PCDHGB2: variants seen among roughly 807,000 people sequenced by gnomAD.
PCDHGB2 encodes protocadherin gamma subfamily B, 2.
PCDHGB2 carries 55 observed loss-of-function variants against 59.3 expected under a neutral mutation model. The ratio of observed to expected loss-of-function variants is 0.93; its 90% CI spans 0.75 to 1.16. PCDHGB2 has a LOEUF of 1.16. Ranked by LOEUF, PCDHGB2 falls within the 50% of genes most tolerant of loss-of-function variation. The pLI, the probability that PCDHGB2 is intolerant of heterozygous loss-of-function variation, is 0.00. For synonymous variants in PCDHGB2, 516 were observed against 512.0 expected (o/e 1.01, Z -0.11); for missense variants, 1,228 against 1,198.5 (o/e 1.02, Z -0.36).
chr5:141,385,411 G>A, intron 1 of PCDHGB2: 1 of 1,474,668 alleles, frequency 6.8e-7, no homozygotes, highest in East Asian at 2.4e-5. Context: ...TTTGAAAATA[G>A]GGATTTAAAA....
At chr5:141,371,658 A>T (rs764550191) in intron 1 of PCDHGB2, 4 of 1,613,920 alleles carry the variant, frequency 2.5e-6, no homozygotes. Context: ...CAATGTGACG[A>T]TCACAGCTAC....
intron 1 of PCDHGB2, chr5:141,384,703 G>A (rs776947081): frequency 6.2e-7 from 1 of 1,614,100 alleles, no homozygotes; most frequent in South Asian, 1.1e-5. Flanking sequence ...AGGCCAGAAC[G>A]CCTGGCTGTC....
chr5:141,398,356 G>C (rs1242233046), intron 1 of PCDHGB2: 7 of 1,409,380 alleles, frequency 5.0e-6, no homozygotes, highest in East Asian at 2.4e-5. Context: ...TTACTTCACC[G>C]TGAGCGCAGA....
In PCDHGB2 at chr5:141,404,317, C is replaced by T. The variant is rs375857083; in HGVS notation, c.2421+41761C>T. On this transcript the variant is annotated intron_variant, in intron 1 of 3. Transcript: ENST00000522605. ...ATAATCCACCTGCTTTCTCTCAAGC[C>T]TCCTACTCAGTCTACCTCCCGGAAA... 6.2e-6 allele frequency: 10 copies of T among 1,613,780 alleles called. No homozygotes were observed. In the African/African-American group the frequency reaches 1.2e-4, roughly 19 times the overall value.
chr5:141,362,004 G>A lies in PCDHGB2; in HGVS notation c.1869G>A (p.Thr623=), dbSNP rs779926353. Reference sequence around the variant, plus strand: ...GGCTCTTCAGCCTGGGGTTGCGCACGGGTGAGGTGCGCACAGCGCGTGCCT... The same window carrying A: ...GGCTCTTCAGCCTGGGGTTGCGCACAGGTGAGGTGCGCACAGCGCGTGCCT... ...EPGLFSLGLR[T]GEVRTARALG... Residue 623 remains threonine (T), a synonymous_variant, in exon 1 of 4, where the codon ACG becomes ACA. Coordinates refer to ENST00000522605, the MANE Select transcript of PCDHGB2 (RefSeq NM_018923.3). 1.7e-5 allele frequency: 27 copies of A among 1,604,352 alleles called. No individual in the cohort carries two copies. Among genetic ancestry groups the A allele is most frequent in the African/African-American group, 1.6e-4 (12 of 74,678 alleles).
chr5:141,427,654 T>C (rs2097054872), intron 1 of PCDHGB2: 3 of 727,622 alleles, frequency 4.1e-6, no homozygotes, highest in Non-Finnish European at 7.4e-6. Context: ...TCCTACGTGG[T>C]CCACGTGGCC....
At chr5:141,440,983 G>A (rs2154559140) in intron 1 of PCDHGB2, 1 of 152,314 alleles carries the variant, frequency 6.6e-6, no homozygotes, top group South Asian at 2.1e-4. Flanking sequence ...TCACAACCCA[G>A]AGTACCCATA....
intron 1 of PCDHGB2, chr5:141,399,213 T>G (rs2093770836): frequency 6.2e-7 from 1 of 1,613,970 alleles, no homozygotes; most frequent in East Asian, 2.2e-5. Context: ...GAACACTAAT[T>G]GCTTTGATCA....
intron 1 of PCDHGB2, among the ~76,000 whole-genome samples, chr5:141,439,243 T>C (rs2098101178): frequency 6.6e-6 from 1 of 151,962 alleles, no homozygotes; most frequent in Non-Finnish European, 1.5e-5. Flanking sequence ...CCTATACAAT[T>C]TCAGCTGAAG....
chr5:141,440,671 T>C (rs2098194169), intron 1 of PCDHGB2: 1 of 152,210 alleles, frequency 6.6e-6, no homozygotes, highest in African/African-American at 2.4e-5. Context: ...CAACTCTATA[T>C]TTCTCTTTGA....
rs1330469043 is a variant in PCDHGB2 at position 141,491,537 on chromosome 5, C to A, written c.2422-3270C>A. On this transcript the variant is annotated intron_variant, in intron 1 of 3. Transcript: ENST00000522605. This position sits in a 1 kb window ranked among gnomAD's most constrained non-coding sequence, Gnocchi z 6.9. ...AAGTACATGGAGGTGACGCTGCGGCCCACAGACTCGCAGAGCCACTGCTAC... is the reference window on the plus strand; with the variant it reads ...AAGTACATGGAGGTGACGCTGCGGCACACAGACTCGCAGAGCCACTGCTAC... The A allele has an allele frequency of 6.2e-7, 1 of 1,613,908 alleles. No homozygotes were observed. Among genetic ancestry groups the A allele is most frequent in the African/African-American group, 1.3e-5 (1 of 74,920 alleles).
At chr5:141,478,087 C>T in intron 1 of PCDHGB2, 1 of 1,614,134 alleles carries the variant, frequency 6.2e-7, no homozygotes, top group East Asian at 2.2e-5. Flanking sequence ...CTTCGCTCTC[C>T]ACCACTGCTA....
intron 1 of PCDHGB2, chr5:141,367,307 G>A (rs540487021): frequency 1.3e-5 from 2 of 152,792 alleles, no homozygotes; most frequent in Non-Finnish European, 2.9e-5. Flanking sequence ...GGGAGGCTGA[G>A]GTGGGCGGAT....
chr5:141,421,795 GC>G, intron 1 of PCDHGB2: 1 of 1,613,818 alleles, frequency 6.2e-7, no homozygotes, highest in East Asian at 2.2e-5. Context: ...AACGGATGGG[GC>G]CAAGAATCCA....
chr5:141,442,725 G>A (rs1381140725), intron 1 of PCDHGB2, among the ~76,000 whole-genome samples: 1 of 152,198 alleles, frequency 6.6e-6, no homozygotes, highest in Admixed American at 6.5e-5. Flanking sequence ...AGCATTTGGG[G>A]CCTGTAGGTA....
intron 1 of PCDHGB2, chr5:141,364,139 G>A: frequency 2.0e-6 from 1 of 499,708 alleles, no homozygotes; most frequent in Admixed American, 3.8e-5. Flanking sequence ...TGACCAAAGT[G>A]GGAAAGAAGC....
At chr5:141,395,234 T>C in intron 1 of PCDHGB2, 1 of 1,601,772 alleles carries the variant, frequency 6.2e-7, no homozygotes, top group Non-Finnish European at 8.5e-7. Flanking sequence ...CTGATCATGG[T>C]CAGGTGAGTT....
chr5:141,363,061 A>G (rs1240861333), intron 1 of PCDHGB2, among the ~76,000 whole-genome samples: 2 of 152,256 alleles, frequency 1.3e-5, no homozygotes, highest in Admixed American at 6.5e-5. Context: ...CAGTAAGCTA[A>G]ATGTCTTGGA....
At chr5:141,449,471 G>T (rs1261821886) in intron 1 of PCDHGB2, among the ~76,000 whole-genome samples, 1 of 151,060 alleles carries the variant, frequency 6.6e-6, no homozygotes, top group African/African-American at 2.4e-5. Flanking sequence ...GCCAGGCCTG[G>T]TACCCCATGC....
Sources: allele counts gnomAD v4.1 joint callset (sites outside exome capture counted in the v4.1 genomes callset), GRCh38; gene constraint gnomAD v4.1.1; non-coding constraint Gnocchi (gnomAD v3.1); transcripts MANE v1.5; gene names NCBI Gene and HGNC (gene_info 2026-07-23, HGNC 2026-07-21).